MLLT3: variants seen among roughly 807,000 people sequenced by gnomAD.
MLLT3 encodes the protein MLLT3 super elongation complex subunit.
MLLT3 carries 4 observed loss-of-function variants against 53.2 expected under a neutral mutation model. That is an observed-to-expected ratio of 0.08 (90% CI 0.04 to 0.17). MLLT3 has a LOEUF of 0.17. MLLT3 is among the 10% of genes least tolerant of loss of function. The probability of loss-of-function intolerance (pLI) is 1.00; values close to 1 mark genes in which losing one functional copy is unlikely to be tolerated. For synonymous variants in MLLT3, 283 were observed against 230.6 expected (o/e 1.23, Z -2.06); for missense variants, 569 against 684.0 (o/e 0.83, Z 1.87).
At chr9:20,598,089 A>G (rs1198446832) in intron 2 of MLLT3, among the ~76,000 whole-genome samples, 1 of 152,264 alleles carries the variant, frequency 6.6e-6, no homozygotes, top group African/African-American at 2.4e-5. Flanking sequence ...TTTTGGATTC[A>G]TAACAGCTTG....
At chr9:20,592,583 G>C (rs1001495924) in intron 2 of MLLT3, among the ~76,000 whole-genome samples, 2 of 152,130 alleles carry the variant, frequency 1.3e-5, no homozygotes, top group African/African-American at 4.8e-5. Context: ...CCTCCAAATA[G>C]TCATTCTTAG....
rs142499149 is a variant in MLLT3 at position 20,551,995 on chromosome 9, G to A, written c.193+68659C>T. 2.6e-5 allele frequency among the ~76,000 whole-genome samples: 4 copies of A among 152,274 alleles called. No individual in the cohort carries two copies. The East Asian group carries it at 7.7e-4, about 29-fold the overall frequency. ...CAATTACACTTGCTTCCCTCTCTGA[G>A]TTGCCAAGTCATCAGATCCACCCAC... On this transcript the variant is annotated intron_variant, in intron 2 of 10. Coordinates refer to ENST00000380338, the MANE Select transcript of MLLT3 (RefSeq NM_004529.4).
chr9:20,603,778 T>G (rs1483994711), intron 2 of MLLT3, among the ~76,000 whole-genome samples: 1 of 152,054 alleles, frequency 6.6e-6, no homozygotes, highest in Non-Finnish European at 1.5e-5. Flanking sequence ...GCTGAGCAGT[T>G]TTCACTGATA....
At chr9:20,536,532 T>C (rs74695197) in intron 2 of MLLT3, among the ~76,000 whole-genome samples, 2,415 of 152,266 alleles carry the variant, frequency 0.016, 60 homozygotes, top group African/African-American at 0.053. Flanking sequence ...AAATGCTATA[T>C]GCCTACTGTT....
chr9:20,461,991 T>C (rs1300004842), intron 2 of MLLT3, among the ~76,000 whole-genome samples: 1 of 152,126 alleles, frequency 6.6e-6, no homozygotes, highest in Non-Finnish European at 1.5e-5. Flanking sequence ...GCTTCACTTC[T>C]ACCACATCAG....
intron 2 of MLLT3, among the ~76,000 whole-genome samples, chr9:20,599,189 A>G (rs1286610408): frequency 6.6e-6 from 1 of 152,048 alleles, no homozygotes; most frequent in African/African-American, 2.4e-5. Context: ...CTGCAGTCCC[A>G]GCTACTCAGG....
chr9:20,354,227 A>C (rs1821107182), intron 9 of MLLT3, among the ~76,000 whole-genome samples: 1 of 152,232 alleles, frequency 6.6e-6, no homozygotes, highest in Admixed American at 6.5e-5. Context: ...CTCCCCTGAA[A>C]GGGGAGAGGG....
intron 2 of MLLT3, among the ~76,000 whole-genome samples, chr9:20,589,400 C>A: frequency 7.8e-6 from 1 of 128,814 alleles, no homozygotes; most frequent in African/African-American, 3.0e-5. Flanking sequence ...CACATGGACA[C>A]AGGAAGGGGA....
chr9:20,617,876 C>T (rs1174485853), intron 2 of MLLT3, among the ~76,000 whole-genome samples: 1 of 152,182 alleles, frequency 6.6e-6, no homozygotes, highest in Admixed American at 6.5e-5. Flanking sequence ...ACATAATTCT[C>T]ATTAAGCAAC....
chr9:20,489,320 AT>A (rs1275011792), intron 2 of MLLT3, among the ~76,000 whole-genome samples: 1 of 152,226 alleles, frequency 6.6e-6, no homozygotes, highest in Non-Finnish European at 1.5e-5. Flanking sequence ...CCTATAAACA[AT>A]GTCATTAGAA....
At chr9:20,560,164 A>G (rs1819165256) in intron 2 of MLLT3, among the ~76,000 whole-genome samples, 1 of 152,200 alleles carries the variant, frequency 6.6e-6, no homozygotes, top group Non-Finnish European at 1.5e-5. Context: ...TTCTGGAATT[A>G]TAAGCCTGGG....
At chr9:20,584,165 C>T (rs1819884910) in intron 2 of MLLT3, among the ~76,000 whole-genome samples, 1 of 152,246 alleles carries the variant, frequency 6.6e-6, no homozygotes, top group Admixed American at 6.5e-5. Context: ...CGCCACCAGT[C>T]TCTCTGCTAA....
In MLLT3 at chr9:20,622,496, G is replaced by T; in HGVS notation, c.-240C>A. 1 of 474,364 alleles carries T rather than the reference G, an allele frequency of 2.1e-6. No individual in the cohort carries two copies. Among genetic ancestry groups the T allele is most frequent in the Non-Finnish European group, 3.7e-6 (1 of 269,004 alleles). The allele number at this position is 474,364 out of a possible 1,614,324, so 29.4% of individuals were successfully genotyped here. A position where few individuals can be genotyped will look rare whatever the true frequency, so the allele number is the denominator to read the frequency against. ...GCAGCAGCTCCAGGGTAAAGAAGAT[G>T]ATTGCGGAGCATGCGCCGTGGCGCC... On this transcript the variant is annotated 5_prime_UTR_variant, in exon 1 of 11. Transcript: ENST00000380338.
intron 2 of MLLT3, among the ~76,000 whole-genome samples, chr9:20,470,437 T>C (rs561943997): frequency 6.6e-6 from 1 of 152,130 alleles, no homozygotes; most frequent in Admixed American, 6.6e-5. Context: ...CTAATTTAAT[T>C]TTCCCTCCTA....
chr9:20,343,183 C>G lies in MLLT3; in HGVS notation c.*3260G>C, dbSNP rs1460687216. The stretch of plus-strand genomic sequence containing the variant: ...TAGGTGGGCCTGTAAAAGATATCGG[C>G]AAAAAAAAAAAAAAAAAAAAAAAAA... On this transcript the variant is annotated 3_prime_UTR_variant, in exon 11 of 11. Transcript: ENST00000380338. 1 of 40,138 alleles carries G rather than the reference C, an allele frequency of 2.5e-5. No individual in the cohort carries two copies. The allele number at this position is 40,138 out of a possible 1,614,324, so 2.5% of individuals were successfully genotyped here.
Position 20,572,969 on chromosome 9 carries a change from C to CA in MLLT3, c.193+47684dup, listed in dbSNP as rs1487623261. Among the ~76,000 whole-genome samples the CA allele has an allele frequency of 2.0e-5, 3 of 152,180 alleles. No homozygotes were observed. The East Asian group carries it at 5.8e-4, about 29-fold the overall frequency. On this transcript the variant is annotated intron_variant, in intron 2 of 10. Transcript: ENST00000380338. Reference sequence around the variant, plus strand: ...CCATCCATAGATATAGTTTCTCCTTCAAAAAATTATACACTTGCATATAAA... The same window carrying CA: ...CCATCCATAGATATAGTTTCTCCTTCAAAAAAATTATACACTTGCATATAAA...
chr9:20,388,184 G>C (rs1162654285), intron 5 of MLLT3, among the ~76,000 whole-genome samples: 1 of 152,104 alleles, frequency 6.6e-6, no homozygotes, highest in Non-Finnish European at 1.5e-5. Context: ...TGTTTCTTTT[G>C]AACACTTATT....
At chr9:20,437,896 G>T (rs1823445508) in intron 4 of MLLT3, among the ~76,000 whole-genome samples, 1 of 152,138 alleles carries the variant, frequency 6.6e-6, no homozygotes, top group African/African-American at 2.4e-5. Flanking sequence ...ACATTATTCA[G>T]CTGGTCCTCT....
intron 4 of MLLT3, among the ~76,000 whole-genome samples, chr9:20,439,262 A>T (rs1276302710): frequency 6.6e-6 from 1 of 152,118 alleles, no homozygotes; most frequent in African/African-American, 2.4e-5. Context: ...AGACTGAGGC[A>T]GGAGAATCCC....
Sources: allele counts gnomAD v4.1 joint callset (sites outside exome capture counted in the v4.1 genomes callset), GRCh38; gene constraint gnomAD v4.1.1; transcripts MANE v1.5; gene names NCBI Gene and HGNC (gene_info 2026-07-23, HGNC 2026-07-21).